LNX2: variants seen among roughly 807,000 people sequenced by gnomAD.
LNX2 encodes ligand of numb-protein X 2.
A neutral mutation model predicts 66.2 loss-of-function variants in LNX2; 35 were observed. That is an observed-to-expected ratio of 0.53 (90% CI 0.40 to 0.70). LNX2 has a LOEUF of 0.70. LNX2 is among the 30% of genes least tolerant of loss of function. The pLI, the probability that LNX2 is intolerant of heterozygous loss-of-function variation, is 0.00. For missense variants in LNX2, 791 were observed against 850.8 expected, an observed-to-expected ratio of 0.93 and a Z score of 0.87; for synonymous variants, 337 against 315.6, an observed-to-expected ratio of 1.07 and a Z score of -0.72.
chr13:27,590,903 T>C (rs562917793), intron 1 of LNX2, among the ~76,000 whole-genome samples: 15 of 152,180 alleles, frequency 9.9e-5, no homozygotes, highest in Admixed American at 2.0e-4. Context: ...ACACCAATAA[T>C]TTAAAAAGCA....
At chr13:27,611,808 C>T (rs571321002) in intron 1 of LNX2, among the ~76,000 whole-genome samples, 2 of 152,176 alleles carry the variant, frequency 1.3e-5, no homozygotes, top group Admixed American at 6.5e-5. Context: ...TTTGAACACA[C>T]TGCTTTAAAA....
Position 27,548,137 on chromosome 13 carries a change from C to G in LNX2, c.*198G>C. ...TAAACTCACAAAGGTTAGTGGAAGACTGTTTCCAAGCTAAAAGAAATGTAA... is the reference window on the plus strand; with the variant it reads ...TAAACTCACAAAGGTTAGTGGAAGAGTGTTTCCAAGCTAAAAGAAATGTAA... On this transcript the variant is annotated 3_prime_UTR_variant, in exon 10 of 10. Transcript: ENST00000316334. 2 of 547,320 alleles carry G rather than the reference C, an allele frequency of 3.7e-6. No individual in the cohort carries two copies. Among genetic ancestry groups the G allele is most frequent in the Non-Finnish European group, 6.4e-6 (2 of 310,706 alleles). 33.9% of individuals were successfully genotyped at this position (547,320 alleles called of 1,614,324 possible).
At chr13:27,618,612 G>A (rs1297989562) in intron 1 of LNX2, among the ~76,000 whole-genome samples, 1 of 152,040 alleles carries the variant, frequency 6.6e-6, no homozygotes, top group Non-Finnish European at 1.5e-5. Context: ...TTCTTAATCT[G>A]GTATAAAAAA....
Position 27,552,916 on chromosome 13 carries a change from G to C in LNX2, c.1778+292C>G, listed in dbSNP as rs566021473. Among the ~76,000 whole-genome samples, 7 of 152,324 alleles carry C rather than the reference G, an allele frequency of 4.6e-5. No homozygotes were observed. In the East Asian group the frequency reaches 1.4e-3, roughly 29 times the overall value. ...GAAGTCTCAGCACATAGCGGAATGA[G>C]TGCTGGTAAACGACAACTTTTCTAA... On this transcript the variant is annotated intron_variant, in intron 8 of 9. Transcript: ENST00000316334.
At chr13:27,610,116 T>A (rs1955757784) in intron 1 of LNX2, among the ~76,000 whole-genome samples, 1 of 152,228 alleles carries the variant, frequency 6.6e-6, no homozygotes, top group Non-Finnish European at 1.5e-5. Context: ...CATAGTGGTC[T>A]TAAAAGGTCA....
intron 1 of LNX2, among the ~76,000 whole-genome samples, chr13:27,601,623 A>G (rs954246434): frequency 1.3e-5 from 2 of 152,226 alleles, no homozygotes; most frequent in South Asian, 4.1e-4. Context: ...AGTTTCTAAA[A>G]TAATATATCA....
chr13:27,601,925 A>C (rs1227531021), intron 1 of LNX2, among the ~76,000 whole-genome samples: 1 of 152,172 alleles, frequency 6.6e-6, no homozygotes, highest in Non-Finnish European at 1.5e-5. Flanking sequence ...AAACACTTGT[A>C]CTTTACAAGT....
At chr13:27,583,233 T>TGCGC (rs1955434223) in intron 1 of LNX2, among the ~76,000 whole-genome samples, 1 of 16,630 alleles carries the variant, frequency 6.0e-5, no homozygotes, top group African/African-American at 2.1e-4. Flanking sequence ...TGTGTGTGTG[T>TGCGC]GTGTGTGTGT....
intron 2 of LNX2, among the ~76,000 whole-genome samples, chr13:27,570,789 C>A (rs943239118): frequency 2.0e-5 from 3 of 151,992 alleles, no homozygotes; most frequent in Non-Finnish European, 4.4e-5. Context: ...AATATCTACA[C>A]AAGAATAGCT....
At chr13:27,570,293 C>T (rs1955263504) in intron 2 of LNX2, among the ~76,000 whole-genome samples, 1 of 152,286 alleles carries the variant, frequency 6.6e-6, no homozygotes, top group Middle Eastern at 3.4e-3. Context: ...GACCTTATGC[C>T]TAGGGTTGCA....
chr13:27,572,067 T>C lies in LNX2; in HGVS notation c.408-2791A>G, dbSNP rs142704062. ...CTTCTAGCTTCTGTTCTTTCCAGTGTATCATACTAAATTCATTCCTATGGT... is the reference window on the plus strand; with the variant it reads ...CTTCTAGCTTCTGTTCTTTCCAGTGCATCATACTAAATTCATTCCTATGGT... On this transcript the variant is annotated intron_variant, in intron 2 of 9. Transcript: ENST00000316334. Among the ~76,000 whole-genome samples the C allele has an allele frequency of 5.4e-4, 82 of 152,342 alleles. No individual in the cohort carries two copies. The East Asian group carries it at 7.5e-3, about 14-fold the overall frequency.
chr13:27,559,195 G>A (rs1432456976), intron 6 of LNX2, among the ~76,000 whole-genome samples: 2 of 151,982 alleles, frequency 1.3e-5, no homozygotes, highest in Non-Finnish European at 2.9e-5. Context: ...AAAATTCTCA[G>A]CTCAGGTAGA....
chr13:27,579,509 T>A (rs982257417), intron 2 of LNX2, among the ~76,000 whole-genome samples: 39 of 152,146 alleles, frequency 2.6e-4, no homozygotes, highest in African/African-American at 9.2e-4. Flanking sequence ...TTTACCAACA[T>A]GTAAATGAAA....
chr13:27,576,542 C>T lies in LNX2; in HGVS notation c.407+4755G>A, dbSNP rs370427837. On this transcript the variant is annotated intron_variant, in intron 2 of 9. Coordinates refer to ENST00000316334, the MANE Select transcript of LNX2 (RefSeq NM_153371.4). ...ACAAGCCTGGTGCAATATGGCAAGA[C>T]CCCGTCTCTACTAAAAGCACAAAAA... is the stretch of plus-strand genomic sequence containing the variant. 6.0e-5 allele frequency among the ~76,000 whole-genome samples: 9 copies of T among 149,102 alleles called. No homozygotes were observed. The East Asian group carries it at 1.6e-3, about 26-fold the overall frequency.
chr13:27,563,848 A>G (rs953347189), intron 4 of LNX2, among the ~76,000 whole-genome samples: 1 of 152,190 alleles, frequency 6.6e-6, no homozygotes, highest in African/African-American at 2.4e-5. Context: ...CACCTTTCAG[A>G]ATTCAGTCAC....
chr13:27,554,299 A>G (rs1195981734), intron 7 of LNX2, among the ~76,000 whole-genome samples: 1 of 152,234 alleles, frequency 6.6e-6, no homozygotes, highest in Non-Finnish European at 1.5e-5. Flanking sequence ...CAATTCACCC[A>G]TTTAAAGAAC....
At chr13:27,606,137 G>A (rs975118856) in intron 1 of LNX2, among the ~76,000 whole-genome samples, 1 of 152,192 alleles carries the variant, frequency 6.6e-6, no homozygotes, top group East Asian at 1.9e-4. Context: ...GCAAACAGAT[G>A]TGTTAAACAA....
intron 4 of LNX2, among the ~76,000 whole-genome samples, chr13:27,564,593 A>AG (rs1277212414): frequency 3.3e-5 from 5 of 152,126 alleles, no homozygotes; most frequent in Non-Finnish European, 7.4e-5. Flanking sequence ...CTAACAGCAT[A>AG]TGGTTCTCCT....
intron 1 of LNX2, among the ~76,000 whole-genome samples, chr13:27,583,231 T>C (rs1204613837): frequency 0.14 from 2,344 of 16,192 alleles, 668 homozygotes; most frequent in African/African-American, 0.39. Flanking sequence ...TGTGTGTGTG[T>C]GTGTGTGTGT....
Sources: allele counts gnomAD v4.1 joint callset (sites outside exome capture counted in the v4.1 genomes callset), GRCh38; gene constraint gnomAD v4.1.1; transcripts MANE v1.5; gene names NCBI Gene and HGNC (gene_info 2026-07-23, HGNC 2026-07-21).